The following WDR27 variants were observed in gnomAD, a reference collection of about 807,000 sequenced individuals.
WDR27 encodes WD repeat domain 27, also known as WD repeat-containing protein 27.
A neutral mutation model predicts 114.4 loss-of-function variants in WDR27; 100 were observed. That is an observed-to-expected ratio of 0.87 (90% CI 0.74 to 1.03). WDR27 has a LOEUF of 1.03. Ranked by LOEUF, WDR27 falls within the 50% of genes least tolerant of loss-of-function variation. The pLI is 0.00. For missense variants in WDR27, 1,129 were observed against 1,092.9 expected (o/e 1.03, Z -0.47); for synonymous variants, 449 against 423.1 (o/e 1.06, Z -0.75).
the WDR27 span, among the ~76,000 whole-genome samples, chr6:169,451,714 A>G: frequency 2.6e-5 from 4 of 152,196 alleles, no homozygotes; most frequent in African/African-American, 9.7e-5. Context: ...TAAGTTATTG[A>G]TATTGTTCTA....
chr6:169,545,930 G>C (rs1179111768), intron 25 of WDR27, among the ~76,000 whole-genome samples: 1 of 151,450 alleles, frequency 6.6e-6, no homozygotes, highest in Non-Finnish European at 1.5e-5. Flanking sequence ...TAGAAAAAGA[G>C]AAGAAAAAAA....
chr6:169,575,300 CCA>C (rs1210367949), intron 24 of WDR27, among the ~76,000 whole-genome samples: 8 of 104,658 alleles, frequency 7.6e-5, no homozygotes, highest in African/African-American at 1.9e-4. Flanking sequence ...CTCCCTCTCT[CCA>C]TCCATCCATC....
chr6:169,471,049 T>G (rs1372340003), intron 25 of WDR27, among the ~76,000 whole-genome samples: 1 of 152,116 alleles, frequency 6.6e-6, no homozygotes, highest in Non-Finnish European at 1.5e-5. Flanking sequence ...TTCCATTTAC[T>G]ATGTTTCTCA....
intron 21 of WDR27, among the ~76,000 whole-genome samples, chr6:169,625,917 C>T (rs927971154): frequency 2.6e-5 from 4 of 152,270 alleles, no homozygotes; most frequent in Non-Finnish European, 5.9e-5. Context: ...CCACAGAAGC[C>T]AACCAGGGTG....
chr6:169,637,518 T>C (rs1179379411), intron 18 of WDR27, among the ~76,000 whole-genome samples: 2 of 151,562 alleles, frequency 1.3e-5, no homozygotes, highest in Non-Finnish European at 1.5e-5. Flanking sequence ...AGTGTATGTG[T>C]ATGCATCTAC....
At chr6:169,668,362 C>T (rs1680553544) in intron 4 of WDR27, among the ~76,000 whole-genome samples, 177 bp from the exon 5 acceptor site, 1 of 152,120 alleles carries the variant, frequency 6.6e-6, no homozygotes, top group Non-Finnish European at 1.5e-5. Flanking sequence ...AGGAAGCTGG[C>T]GTCTCCTCAG....
chr6:169,682,412 T>A (rs1056548091), intron 2 of WDR27, among the ~76,000 whole-genome samples: 1 of 152,312 alleles, frequency 6.6e-6, no homozygotes, highest in South Asian at 2.1e-4. Flanking sequence ...AGAGCCCCAG[T>A]ACCCACGCTG....
chr6:169,673,295 A>G lies in WDR27; in HGVS notation c.190-899T>C, dbSNP rs1779228548. On this transcript the variant is annotated intron_variant, in intron 2 of 25. Coordinates refer to ENST00000448612, the MANE Select transcript of WDR27 (RefSeq NM_182552.5). ...ATGTTAAATAGACAACAGGCAGTTTAATATGAGAGATATCACTGGAGAATT... is the reference window on the plus strand; with the variant it reads ...ATGTTAAATAGACAACAGGCAGTTTGATATGAGAGATATCACTGGAGAATT... Among the ~76,000 whole-genome samples, 3 of 152,276 alleles carry G rather than the reference A, an allele frequency of 2.0e-5. No homozygotes were observed. The South Asian group carries it at 6.2e-4, about 32-fold the overall frequency.
chr6:169,594,060 T>C (rs1806300143), intron 23 of WDR27, among the ~76,000 whole-genome samples: 1 of 152,228 alleles, frequency 6.6e-6, no homozygotes. Flanking sequence ...GTCTGTGATA[T>C]AGGTATTTGG....
intron 25 of WDR27, among the ~76,000 whole-genome samples, chr6:169,561,925 G>A (rs554207022): frequency 1.3e-5 from 2 of 152,110 alleles, no homozygotes; most frequent in South Asian, 2.1e-4. Flanking sequence ...TATTAATATC[G>A]GACAAAGTAT....
chr6:169,563,215 C>T (rs1389583275), intron 25 of WDR27, among the ~76,000 whole-genome samples: 4 of 152,236 alleles, frequency 2.6e-5, no homozygotes, highest in South Asian at 2.1e-4. Context: ...CTCTGCCAGC[C>T]GCAGTTGAAC....
intron 25 of WDR27, among the ~76,000 whole-genome samples, chr6:169,532,065 A>G (rs1242448116): frequency 2.0e-5 from 3 of 152,218 alleles, no homozygotes; most frequent in Admixed American, 6.5e-5. Flanking sequence ...TTTCAGCTGT[A>G]TTTAAAGTTT....
chr6:169,662,926 G>T (rs1465436970), intron 8 of WDR27, among the ~76,000 whole-genome samples: 1 of 143,816 alleles, frequency 7.0e-6, no homozygotes, highest in East Asian at 2.1e-4. Context: ...CGTGTGCACC[G>T]CGGAGCATTC....
rs1199833173 is a variant in WDR27, at chr6:169,673,414, T to C, written c.190-1018A>G. ...AACTGGACAAAATTAAATATATATATACACACACACACACTATATATATAT... is the reference window on the plus strand; with the variant it reads ...AACTGGACAAAATTAAATATATATACACACACACACACACTATATATATAT... On this transcript the variant is annotated intron_variant, in intron 2 of 25. Transcript: ENST00000448612. 2.6e-5 allele frequency among the ~76,000 whole-genome samples: 4 copies of C among 151,188 alleles called. No individual in the cohort carries two copies. In the South Asian group the frequency reaches 6.3e-4, roughly 24 times the overall value.
intron 25 of WDR27, among the ~76,000 whole-genome samples, chr6:169,513,369 C>T (rs1562517249): frequency 6.6e-6 from 1 of 152,114 alleles, no homozygotes. Flanking sequence ...CAGAGTGGTC[C>T]CGGGACGCCC....
chr6:169,613,180 C>T (rs1224632954), intron 22 of WDR27, among the ~76,000 whole-genome samples: 2 of 152,190 alleles, frequency 1.3e-5, no homozygotes, highest in African/African-American at 4.8e-5. Flanking sequence ...GAGAGTCAGG[C>T]GCCGCTGGCC....
chr6:169,577,279 G>A (rs1034772452), intron 24 of WDR27, among the ~76,000 whole-genome samples: 6 of 152,146 alleles, frequency 3.9e-5, no homozygotes, highest in Non-Finnish European at 1.5e-5. Flanking sequence ...GGTGGCTGAG[G>A]GCGGGGTCCG....
chr6:169,458,335 G>A (rs1025647058), intron 25 of WDR27, among the ~76,000 whole-genome samples: 11 of 152,120 alleles, frequency 7.2e-5, no homozygotes, highest in African/African-American at 2.7e-4. Flanking sequence ...TTCTTACAGA[G>A]GGTGCAAATA....
Position 169,651,207 on chromosome 6 carries a change from G to A in WDR27, c.1481+723C>T, listed in dbSNP as rs1316805245. ...GCGGGGGGGGGGAGTGGGGGAGTGGGGGAGTGGCCAGGGGCACATGAAGAC... is the reference window on the plus strand; with the variant it reads ...GCGGGGGGGGGGAGTGGGGGAGTGGAGGAGTGGCCAGGGGCACATGAAGAC... On this transcript the variant is annotated intron_variant, in intron 14 of 25. Coordinates refer to ENST00000448612, the MANE Select transcript of WDR27 (RefSeq NM_182552.5). 2.1e-5 allele frequency among the ~76,000 whole-genome samples: 3 copies of A among 142,832 alleles called. No individual in the cohort carries two copies. The Admixed American group carries it at 2.1e-4, about 10-fold the overall frequency. The allele number at this position is 142,832 out of a possible 152,430, so 93.7% of individuals were successfully genotyped here.
Sources: gnomAD v4.1 joint callset for allele counts (sites outside exome capture counted in the v4.1 genomes callset) on GRCh38, gnomAD v4.1.1 for gene constraint, MANE v1.5 for transcripts, NCBI Gene and HGNC (gene_info 2026-07-23, HGNC 2026-07-21) for gene names.